The following RALY variants were observed in gnomAD, a reference collection of about 807,000 sequenced individuals.
RALY encodes the protein RALY heterogeneous nuclear ribonucleoprotein.
Under a neutral mutation model 30.7 loss-of-function variants are expected in RALY, and 15 were observed. The observed-to-expected ratio is 0.49, with a 90% confidence interval of 0.33 to 0.75. The LOEUF (loss-of-function observed/expected upper bound fraction) is 0.75, where lower values mean the gene tolerates loss of function less well. Among genes scored for constraint, RALY ranks in the 30% least tolerant of loss-of-function variants. The pLI, the probability that RALY is intolerant of heterozygous loss-of-function variation, is 0.02. For missense variants in RALY, 339 were observed against 414.3 expected, an observed-to-expected ratio of 0.82 and a Z score of 1.58; for synonymous variants, 177 against 170.8, an observed-to-expected ratio of 1.04 and a Z score of -0.28.
intron 1 of RALY, among the ~76,000 whole-genome samples, chr20:34,026,489 G>A (rs1278799998): frequency 6.6e-6 from 1 of 151,350 alleles, no homozygotes; most frequent in African/African-American, 2.4e-5. Context: ...TGCAAGCTCC[G>A]CCTCCCGGGT....
intron 1 of RALY, among the ~76,000 whole-genome samples, chr20:34,008,735 T>G (rs1601406401): frequency 6.6e-6 from 1 of 152,332 alleles, no homozygotes; most frequent in East Asian, 1.9e-4. Flanking sequence ...CATAGCTCAC[T>G]GCAGCCTCAA....
chr20:34,038,159 A>G (rs1036249612), intron 2 of RALY, among the ~76,000 whole-genome samples: 2 of 152,144 alleles, frequency 1.3e-5, no homozygotes, highest in Non-Finnish European at 2.9e-5. Context: ...CCCAGTTTTC[A>G]TTAAAACTAA....
chr20:34,036,920 AT>A (rs531423441), intron 2 of RALY, among the ~76,000 whole-genome samples: 1 of 150,576 alleles, frequency 6.6e-6, no homozygotes, highest in African/African-American at 2.4e-5. Context: ...TTTTCCATTG[AT>A]TTTTTATTAT....
intron 2 of RALY, among the ~76,000 whole-genome samples, chr20:34,062,246 G>C (rs1038649042): frequency 1.3e-5 from 2 of 152,108 alleles, no homozygotes; most frequent in Admixed American, 6.5e-5. Context: ...GATCTGTAAG[G>C]CTCCTTTTAC....
At chr20:34,079,568 T>G (rs528352904) in intron 9 of RALY, among the ~76,000 whole-genome samples, 1 of 152,218 alleles carries the variant, frequency 6.6e-6, no homozygotes, top group Admixed American at 6.5e-5. Flanking sequence ...ATTGTACATA[T>G]GCAGTCTTCT....
chr20:34,057,882 G>A (rs1363923392), intron 2 of RALY, among the ~76,000 whole-genome samples: 2 of 152,230 alleles, frequency 1.3e-5, no homozygotes, highest in Admixed American at 6.5e-5. Context: ...GAGAACATTG[G>A]TTCATGGAGT....
intron 1 of RALY, among the ~76,000 whole-genome samples, chr20:34,026,488 C>T (rs1007798469): frequency 8.6e-5 from 13 of 151,518 alleles, no homozygotes; most frequent in Non-Finnish European, 1.0e-4. Flanking sequence ...CTGCAAGCTC[C>T]GCCTCCCGGG....
At chr20:34,009,170 G>A (rs553146054) in intron 1 of RALY, among the ~76,000 whole-genome samples, 1 of 151,920 alleles carries the variant, frequency 6.6e-6, no homozygotes, top group South Asian at 2.1e-4. Context: ...GTGGGGGTAG[G>A]CCTGTCTTCT....
intron 1 of RALY, among the ~76,000 whole-genome samples, chr20:33,997,061 C>T (rs2030668706): frequency 6.6e-6 from 1 of 152,178 alleles, no homozygotes; most frequent in African/African-American, 2.4e-5. Context: ...TGTTCTGTAT[C>T]ACTGAAGCCT....
chr20:34,019,928 G>C (rs1157426116), intron 1 of RALY, among the ~76,000 whole-genome samples: 20 of 152,184 alleles, frequency 1.3e-4, no homozygotes, highest in East Asian at 5.8e-4. Context: ...GGGCGTAGTG[G>C]TGGGCGCCTG....
At chr20:34,001,383 G>A (rs975934826) in intron 1 of RALY, among the ~76,000 whole-genome samples, 1 of 152,146 alleles carries the variant, frequency 6.6e-6, no homozygotes, top group Non-Finnish European at 1.5e-5. Flanking sequence ...AGGTTACCTG[G>A]CCCTTGAAGT....
At chr20:34,022,076 TTC>T (rs1568660181) in intron 1 of RALY, among the ~76,000 whole-genome samples, 2 of 147,950 alleles carry the variant, frequency 1.4e-5, no homozygotes, top group Admixed American at 6.7e-5. Context: ...CTTTCCTTTT[TTC>T]TTTCTTTCTT....
At chr20:34,063,518 G>T (rs2033477651) in intron 2 of RALY, among the ~76,000 whole-genome samples, 1 of 152,186 alleles carries the variant, frequency 6.6e-6, no homozygotes. Context: ...TCATTAGATT[G>T]TGATCAGGAT....
intron 2 of RALY, among the ~76,000 whole-genome samples, chr20:34,038,201 G>A (rs1310325396): frequency 6.6e-6 from 1 of 152,162 alleles, no homozygotes; most frequent in East Asian, 1.9e-4. Flanking sequence ...GGAGCAGCAG[G>A]CCAGAGCAGA....
chr20:34,001,364 C>T lies in RALY; in HGVS notation c.-93+7233C>T, dbSNP rs561185868. 4.4e-4 allele frequency among the ~76,000 whole-genome samples: 67 copies of T among 152,320 alleles called. 1 individual carries two copies. Among genetic ancestry groups the T allele is most frequent in the African/African-American group, 1.4e-3 (60 of 41,568 alleles). On this transcript the variant is annotated intron_variant, in intron 1 of 9. Coordinates refer to ENST00000246194, the MANE Select transcript of RALY (RefSeq NM_016732.3). ...AGAGCTTTAGCTTATGGAGTAGATG[C>T]CTCTACTGAGGTTACCTGGCCCTTG...
At chr20:34,060,719 G>A (rs1435329984) in intron 2 of RALY, among the ~76,000 whole-genome samples, 1 of 152,146 alleles carries the variant, frequency 6.6e-6, no homozygotes, top group Non-Finnish European at 1.5e-5. Flanking sequence ...CCTGCTTGAT[G>A]TCAAGCCATG....
chr20:34,076,107 T>G, intron 6 of RALY, 67 bp downstream of exon 6: 1 of 1,527,166 alleles, frequency 6.5e-7, no homozygotes, highest in Non-Finnish European at 9.0e-7. Flanking sequence ...TAGAATCACA[T>G]TTTTTACATT....
chr20:34,063,770 T>G (rs2033486636), intron 2 of RALY, among the ~76,000 whole-genome samples: 1 of 152,162 alleles, frequency 6.6e-6, no homozygotes, highest in Admixed American at 6.5e-5. Context: ...TTGTATATTG[T>G]TCCTCCCTCC....
intron 2 of RALY, among the ~76,000 whole-genome samples, chr20:34,062,007 T>C (rs1358727734): frequency 6.6e-6 from 1 of 152,198 alleles, no homozygotes; most frequent in Non-Finnish European, 1.5e-5. Context: ...ATTTTTCTTA[T>C]TTACCCTCAA....
Sources: allele counts gnomAD v4.1 joint callset (sites outside exome capture counted in the v4.1 genomes callset), GRCh38; gene constraint gnomAD v4.1.1; transcripts MANE v1.5; gene names NCBI Gene and HGNC (gene_info 2026-07-23, HGNC 2026-07-21).